PTK2: variants seen among roughly 807,000 people sequenced by gnomAD.
The protein encoded by PTK2 is protein tyrosine kinase 2.
Under a neutral mutation model 150.1 loss-of-function variants are expected in PTK2, and 45 were observed. The observed-to-expected ratio is 0.30, with a 90% confidence interval of 0.24 to 0.38. PTK2 has a LOEUF of 0.38. PTK2 is among the 10% of genes least tolerant of loss of function. The pLI is 1.00. For missense variants in PTK2, 919 were observed against 1,307.3 expected, an observed-to-expected ratio of 0.70 and a Z score of 4.58; for synonymous variants, 432 against 449.2, an observed-to-expected ratio of 0.96 and a Z score of 0.48.
At chr8:140,856,620 T>C (rs1258531500) in intron 5 of PTK2, among the ~76,000 whole-genome samples, 5 of 152,260 alleles carry the variant, frequency 3.3e-5, no homozygotes, top group East Asian at 1.9e-4. Context: ...CTTGGGGCAA[T>C]GACTGGGGGC....
At chr8:140,703,855 T>C (rs1327665614) in intron 24 of PTK2, among the ~76,000 whole-genome samples, 1 of 152,198 alleles carries the variant, frequency 6.6e-6, no homozygotes, top group Non-Finnish European at 1.5e-5. Flanking sequence ...ATTAGGCTAG[T>C]GTTGTATGGT....
chr8:140,873,285 A>T (rs1245408404), intron 4 of PTK2, among the ~76,000 whole-genome samples: 6 of 152,252 alleles, frequency 3.9e-5, no homozygotes, highest in South Asian at 2.1e-4. Context: ...AGCTACAGAG[A>T]GTGTCAGACA....
intron 4 of PTK2, among the ~76,000 whole-genome samples, chr8:140,868,634 T>A (rs543480601): frequency 6.6e-6 from 1 of 152,136 alleles, no homozygotes; most frequent in South Asian, 2.1e-4. Context: ...CCTGATACAA[T>A]GCAATGAGAA....
intron 31 of PTK2, among the ~76,000 whole-genome samples, chr8:140,661,367 A>C (rs1022086615): frequency 2.0e-4 from 31 of 152,280 alleles, no homozygotes; most frequent in African/African-American, 6.5e-4. Context: ...GAACGGACCA[A>C]CCTGAGACCT....
At chr8:140,658,306 T>C (rs1244600727) in exon 32 of PTK2, 1 of 169,354 alleles carries the variant, frequency 5.9e-6, no homozygotes, top group East Asian at 1.1e-4. Context: ...TCCTGATAAT[T>C]ATTGGGAACT....
chr8:140,718,790 G>A (rs1215907925), intron 22 of PTK2: 4 of 152,190 alleles, frequency 2.6e-5, no homozygotes, highest in Non-Finnish European at 5.9e-5. Flanking sequence ...GAGACAAAAT[G>A]TATTTCATAA....
At chr8:140,705,558 A>G (rs2100033251) in intron 24 of PTK2, among the ~76,000 whole-genome samples, 1 of 152,210 alleles carries the variant, frequency 6.6e-6, no homozygotes, top group African/African-American at 2.4e-5. Flanking sequence ...GCACTGGGGT[A>G]TGCACCTCTC....
At position 140,769,710 on chromosome 8, in the gene PTK2, G is replaced by GT. The variant is rs142746583; in HGVS notation, c.1178-5421dup. ...ATTAAAATGACAAGTAAACCAAAGT[G>GT]TAAGAAAAATAAAAAACAATTACCC... On this transcript the variant is annotated intron_variant, in intron 14 of 31. Transcript: ENST00000522684. The GT allele has an allele frequency of 1.6e-4, 87 of 560,316 alleles. 2 individuals carry two copies. The East Asian group carries it at 5.1e-3, about 33-fold the overall frequency. The allele number at this position is 560,316 out of a possible 1,614,324, so 34.7% of individuals were successfully genotyped here. A position where few individuals can be genotyped will look rare whatever the true frequency, so the allele number is the denominator to read the frequency against.
chr8:140,759,815 C>T (rs142942124), intron 16 of PTK2, among the ~76,000 whole-genome samples: 2 of 152,052 alleles, frequency 1.3e-5, no homozygotes, highest in African/African-American at 4.8e-5. Context: ...TGCACTCCAG[C>T]CTGACTGACA....
chr8:140,971,094 T>C (rs1306331299), intron 1 of PTK2, among the ~76,000 whole-genome samples: 1 of 152,162 alleles, frequency 6.6e-6, no homozygotes, highest in Non-Finnish European at 1.5e-5. Flanking sequence ...AACTAAAAAA[T>C]TAGTCTCTAA....
At chr8:140,707,318 G>A (rs377577203) in intron 23 of PTK2, among the ~76,000 whole-genome samples, 6 of 152,128 alleles carry the variant, frequency 3.9e-5, no homozygotes, top group East Asian at 1.9e-4. Context: ...TGGATCACAC[G>A]GTGAGACCCC....
chr8:140,692,379 G>A (rs2100023675), intron 26 of PTK2, among the ~76,000 whole-genome samples: 1 of 152,196 alleles, frequency 6.6e-6, no homozygotes, highest in African/African-American at 2.4e-5. Context: ...CACTATGGGA[G>A]GCCGAGGTGG....
intron 1 of PTK2, among the ~76,000 whole-genome samples, chr8:140,940,189 T>C (rs1345208432): frequency 6.6e-6 from 1 of 152,204 alleles, no homozygotes; most frequent in Non-Finnish European, 1.5e-5. Context: ...TTAACAGTTA[T>C]GTTCATGATG....
intron 2 of PTK2, chr8:140,920,997 A>G: frequency 7.7e-7 from 1 of 1,301,488 alleles, no homozygotes; most frequent in South Asian, 2.4e-5. Context: ...TTCGATCCAC[A>G]AGCAAGACTA....
intron 28 of PTK2, 110 bp downstream of exon 31, chr8:140,675,350 A>G (rs1268183197): frequency 4.2e-6 from 5 of 1,179,442 alleles, no homozygotes. Flanking sequence ...TGGTCTGTAG[A>G]GGAAAAATTA....
chr8:140,925,210 G>C (rs1030975696), intron 2 of PTK2, among the ~76,000 whole-genome samples: 1 of 152,064 alleles, frequency 6.6e-6, no homozygotes, highest in Admixed American at 6.5e-5. Context: ...CCAGTCAACA[G>C]GAGGAATGTA....
intron 2 of PTK2, among the ~76,000 whole-genome samples, chr8:140,896,301 GA>G (rs1190715127): frequency 6.6e-6 from 1 of 152,120 alleles, no homozygotes; most frequent in Non-Finnish European, 1.5e-5. Context: ...CTTGTTTTAT[GA>G]CACCTGCAGA....
intron 22 of PTK2, chr8:140,734,896 T>C (rs1054851238): frequency 1.1e-4 from 45 of 424,762 alleles, no homozygotes; most frequent in African/African-American, 8.3e-4. Flanking sequence ...TAAGTAGGTA[T>C]TGCTGGATCA....
intron 4 of PTK2, among the ~76,000 whole-genome samples, chr8:140,871,630 C>G (rs994507809): frequency 1.2e-4 from 19 of 152,200 alleles, no homozygotes; most frequent in African/African-American, 4.1e-4. Context: ...AAGACCTTGT[C>G]TCTACTAAAA....
Sources: allele counts gnomAD v4.1 joint callset (sites outside exome capture counted in the v4.1 genomes callset), GRCh38; gene constraint gnomAD v4.1.1; transcripts MANE v1.5; gene names NCBI Gene and HGNC (gene_info 2026-07-23, HGNC 2026-07-21).